The following LIN28B variants were observed in gnomAD, a reference collection of about 807,000 sequenced individuals.
LIN28B encodes protein lin-28 homolog B.
In LIN28B, 5 loss-of-function variants were observed where a neutral mutation model predicts 21.9. The observed-to-expected ratio is 0.23, with a 90% CI of 0.12 to 0.48. LIN28B has a LOEUF of 0.48. Among genes scored for constraint, LIN28B ranks in the 20% least tolerant of loss-of-function variants. The probability of loss-of-function intolerance (pLI) is 0.98; values close to 1 mark genes in which losing one functional copy is unlikely to be tolerated. For synonymous variants in LIN28B, 109 were observed against 111.3 expected, an observed-to-expected ratio of 0.98 and a Z score of 0.13; for missense variants, 245 against 310.5, an observed-to-expected ratio of 0.79 and a Z score of 1.58.
intron 2 of LIN28B, among the ~76,000 whole-genome samples, chr6:104,942,222 A>G (rs2114541309): frequency 6.6e-6 from 1 of 152,346 alleles, no homozygotes; most frequent in African/African-American, 2.4e-5. Context: ...AGTGAAAATT[A>G]CACCTGACAA....
intron 3 of LIN28B, among the ~76,000 whole-genome samples, chr6:105,049,243 C>G (rs1771839288): frequency 6.6e-6 from 1 of 152,084 alleles, no homozygotes; most frequent in Non-Finnish European, 1.5e-5. Context: ...TTATTTCTGC[C>G]TTCATTTCAT....
chr6:104,938,547 G>A (rs1187953570), intron 2 of LIN28B, among the ~76,000 whole-genome samples: 3 of 151,668 alleles, frequency 2.0e-5, no homozygotes, highest in African/African-American at 4.8e-5. Flanking sequence ...ACTGAGGCAC[G>A]AGAATCCCGT....
At chr6:105,010,224 A>G (rs1015830150) in intron 2 of LIN28B, among the ~76,000 whole-genome samples, 1 of 151,712 alleles carries the variant, frequency 6.6e-6, no homozygotes, top group African/African-American at 2.4e-5. Context: ...TTAGCAGGAC[A>G]TGGTGGTGTG....
At chr6:105,048,688 C>T (rs1451470987) in intron 3 of LIN28B, among the ~76,000 whole-genome samples, 1 of 152,136 alleles carries the variant, frequency 6.6e-6, no homozygotes, top group African/African-American at 2.4e-5. Flanking sequence ...TTGCCTCAAT[C>T]TCAGATCCTG....
At chr6:105,042,593 T>G (rs566676848) in intron 3 of LIN28B, among the ~76,000 whole-genome samples, 4 of 152,294 alleles carry the variant, frequency 2.6e-5, no homozygotes, top group Non-Finnish European at 4.4e-5. Context: ...TGAGGTCTTC[T>G]AGAACATCGA....
At chr6:105,033,062 A>T (rs1052013792) in intron 3 of LIN28B, among the ~76,000 whole-genome samples, 3 of 152,174 alleles carry the variant, frequency 2.0e-5, no homozygotes, top group African/African-American at 7.2e-5. Flanking sequence ...TGATTTATCA[A>T]TCTTTACATT....
rs114264168 is a variant in LIN28B at position 104,950,257 on chromosome 6, C to G, written c.19-204C>G. 7.1e-3 allele frequency among the ~76,000 whole-genome samples: 1,077 copies of G among 152,092 alleles called. 10 individuals are homozygous for G. The highest frequency in any genetic ancestry group is 0.024 in the African/African-American group (997 of 41,486). On this transcript the variant is annotated intron_variant, in intron 2 of 5. Coordinates refer to the LIN28B transcript ENST00000635857. The stretch of plus-strand genomic sequence containing the variant: ...TTGTAAATGTTCTTTAAACTAGTGT[C>G]CTCTACTAGATATAAAAGGCAAGTA...
chr6:105,013,156 C>T (rs1264797723), intron 2 of LIN28B, among the ~76,000 whole-genome samples: 2 of 151,890 alleles, frequency 1.3e-5, no homozygotes, highest in Admixed American at 6.6e-5. Flanking sequence ...GGATTACAGG[C>T]GTGCACCACC....
intron 3 of LIN28B, among the ~76,000 whole-genome samples, chr6:105,033,510 C>T (rs1771465692): frequency 6.6e-6 from 1 of 152,048 alleles, no homozygotes; most frequent in East Asian, 1.9e-4. Flanking sequence ...AATTTAGCGT[C>T]CACTTACAAC....
intron 3 of LIN28B, among the ~76,000 whole-genome samples, chr6:105,034,998 C>T (rs961072540): frequency 1.3e-5 from 2 of 151,762 alleles, no homozygotes; most frequent in African/African-American, 4.8e-5. Context: ...TGCCCCACTC[C>T]CACCCACCTC....
chr6:105,047,183 T>G (rs1771787229), intron 3 of LIN28B, among the ~76,000 whole-genome samples: 1 of 152,202 alleles, frequency 6.6e-6, no homozygotes, highest in Admixed American at 6.5e-5. Context: ...TCATATTGAA[T>G]TAATTTTTGT....
intron 2 of LIN28B, among the ~76,000 whole-genome samples, chr6:104,997,448 T>G (rs887166108): frequency 6.6e-6 from 1 of 151,932 alleles, no homozygotes; most frequent in Non-Finnish European, 1.5e-5. Context: ...AATAAAAAAT[T>G]TGAACCTTGA....
In LIN28B at chr6:105,065,931, C is replaced by G. The variant is rs149356418; in HGVS notation, c.384-12483C>G. Among the ~76,000 whole-genome samples the G allele has an allele frequency of 5.9e-3, 899 of 152,240 alleles. 6 individuals carry two copies. Among genetic ancestry groups the G allele is most frequent in the African/African-American group, 0.021 (876 of 41,534 alleles). On this transcript the variant is annotated intron_variant, in intron 3 of 3. Transcript: ENST00000345080. ...CCTGTAATCCCAGCACTTTGGGAGGCCAAGGTAGGTGGATCACTTGAGCCG... is the reference window on the plus strand; with the variant it reads ...CCTGTAATCCCAGCACTTTGGGAGGGCAAGGTAGGTGGATCACTTGAGCCG...
At chr6:105,031,602 T>TG (rs1398060075) in intron 3 of LIN28B, among the ~76,000 whole-genome samples, 2 of 151,592 alleles carry the variant, frequency 1.3e-5, no homozygotes, top group Non-Finnish European at 2.9e-5. Context: ...GGCGCAGTCT[T>TG]GGCTCACTGC....
intron 3 of LIN28B, among the ~76,000 whole-genome samples, chr6:105,075,819 T>C (rs1028394398): frequency 1.4e-4 from 21 of 152,278 alleles, no homozygotes; most frequent in African/African-American, 4.8e-4. Flanking sequence ...ACTGATAAAA[T>C]TGATGTGTCT....
chr6:105,050,995 G>C (rs1200395384), intron 3 of LIN28B, among the ~76,000 whole-genome samples: 1 of 150,782 alleles, frequency 6.6e-6, no homozygotes, highest in East Asian at 1.9e-4. Flanking sequence ...TGGGAGGATC[G>C]CTTGAGACCA....
At chr6:104,975,826 T>TTTC (rs1283971475) in intron 2 of LIN28B, among the ~76,000 whole-genome samples, 6 of 151,038 alleles carry the variant, frequency 4.0e-5, no homozygotes, top group East Asian at 1.9e-4. Context: ...AGCTAATTCT[T>TTTC]TTCTTCTTCT....
intron 2 of LIN28B, among the ~76,000 whole-genome samples, chr6:105,009,880 C>T (rs186258625): frequency 6.6e-5 from 10 of 152,162 alleles, no homozygotes; most frequent in Non-Finnish European, 8.8e-5. Context: ...AAAATAATTC[C>T]GCAGATTCAC....
intron 2 of LIN28B, among the ~76,000 whole-genome samples, chr6:104,967,112 C>T (rs2114583747): frequency 6.6e-6 from 1 of 152,164 alleles, no homozygotes; most frequent in Admixed American, 6.5e-5. Flanking sequence ...GGAAATTAAC[C>T]TTTATCCTAG....
Sources: gnomAD v4.1 joint callset for allele counts (sites outside exome capture counted in the v4.1 genomes callset) on GRCh38, gnomAD v4.1.1 for gene constraint, MANE v1.5 for transcripts, NCBI Gene and HGNC (gene_info 2026-07-23, HGNC 2026-07-21) for gene names.